Variants in DYRK4 observed in about 807,000 individuals in gnomAD.
The protein encoded by DYRK4 is dual specificity tyrosine phosphorylation regulated kinase 4.
In DYRK4, 64 loss-of-function variants were observed where a neutral mutation model predicts 68.3. The observed-to-expected ratio is 0.94, with a 90% CI of 0.77 to 1.15. The LOEUF (loss-of-function observed/expected upper bound fraction) is 1.15. Ranked by LOEUF, DYRK4 falls within the 50% of genes most tolerant of loss-of-function variation. The probability of loss-of-function intolerance (pLI) is 0.00; values close to 1 mark genes in which losing one functional copy is unlikely to be tolerated. For synonymous variants in DYRK4, 274 were observed against 289.9 expected (o/e 0.95, Z 0.56); for missense variants, 740 against 764.7 (o/e 0.97, Z 0.38).
At chr12:4,612,492 T>C in intron 13 of DYRK4, 51 bp from the exon 14 acceptor site, 1 of 1,537,896 alleles carries the variant, frequency 6.5e-7, no homozygotes, top group Non-Finnish European at 8.8e-7. Context: ...TGTTTTAATA[T>C]ATTAAAAGGA....
At chr12:4,573,983 T>C (rs1246059649) in intron 2 of DYRK4, among the ~76,000 whole-genome samples, 1 of 152,012 alleles carries the variant, frequency 6.6e-6, no homozygotes, top group Non-Finnish European at 1.5e-5. Flanking sequence ...TCCAGCACTT[T>C]GGGAGGCCAA....
At chr12:4,564,645 G>C (rs912906075) in intron 1 of DYRK4, 9 of 152,206 alleles carry the variant, frequency 5.9e-5, no homozygotes, top group African/African-American at 1.9e-4. Context: ...CGAACTCCTT[G>C]AAAACAAGGC....
chr12:4,606,280 A>AGCTG (rs1565542588), intron 11 of DYRK4, among the ~76,000 whole-genome samples: 1 of 145,258 alleles, frequency 6.9e-6, no homozygotes, highest in African/African-American at 2.6e-5. Flanking sequence ...ACACCAAGCT[A>AGCTG]GCTGGCTGGC....
At chr12:4,600,626 C>G (rs1395804696) in intron 10 of DYRK4, among the ~76,000 whole-genome samples, 2 of 149,370 alleles carry the variant, frequency 1.3e-5, no homozygotes, top group Non-Finnish European at 3.0e-5. Context: ...CAGGGAAACA[C>G]ATATACAAGT....
intron 2 of DYRK4, among the ~76,000 whole-genome samples, chr12:4,583,305 A>C (rs187451860): frequency 3.3e-5 from 5 of 151,886 alleles, no homozygotes; most frequent in Admixed American, 3.3e-4. Context: ...ACTGTTCTAC[A>C]TCTCAGCACT....
intron 2 of DYRK4, among the ~76,000 whole-genome samples, chr12:4,569,090 T>C (rs1475428957): frequency 6.6e-6 from 1 of 152,190 alleles, no homozygotes. Context: ...TTCCAAGCGC[T>C]GTTCCTGATT....
At chr12:4,584,835 G>A (rs1336142835) in intron 2 of DYRK4, among the ~76,000 whole-genome samples, 4 of 152,132 alleles carry the variant, frequency 2.6e-5, no homozygotes, top group African/African-American at 4.8e-5. Flanking sequence ...GATTACAGGC[G>A]TGAGCCACCG....
Position 4,605,742 on chromosome 12 carries a change from T to TTG in DYRK4, c.1299+657_1299+658insGT, listed in dbSNP as rs1555124192. ...GAATAGAGCTGGGTTTTTTTTTTTT[T>TTG]TTTTTTTTTTTTTCCAAATTAATGC... On this transcript the variant is annotated intron_variant, in intron 11 of 14. Coordinates refer to ENST00000543431, the MANE Select transcript of DYRK4 (RefSeq NM_001394779.1). Among the ~76,000 whole-genome samples the TTG allele has an allele frequency of 4.2e-5, 6 of 144,336 alleles. 1 individual carries two copies. Among genetic ancestry groups the TTG allele is most frequent in the African/African-American group, 1.6e-4 (6 of 36,972 alleles). The allele number at this position is 144,336 out of a possible 152,430, so 94.7% of individuals were successfully genotyped here.
intron 1 of DYRK4, 109 bp downstream of exon 1, chr12:4,562,392 A>C (rs1329034748): frequency 9.6e-6 from 13 of 1,354,792 alleles, no homozygotes; most frequent in Non-Finnish European, 1.3e-5. Context: ...AAGCGTGCAG[A>C]ATGCAAGAGC....
chr12:4,599,441 T>C (rs1945056496), intron 9 of DYRK4, among the ~76,000 whole-genome samples: 1 of 151,456 alleles, frequency 6.6e-6, no homozygotes, highest in Admixed American at 6.6e-5. Context: ...TCTTCAGGAG[T>C]TGCAGAATCA....
chr12:4,577,473 A>G (rs2137335475), intron 2 of DYRK4, among the ~76,000 whole-genome samples: 1 of 152,264 alleles, frequency 6.6e-6, no homozygotes, highest in South Asian at 2.1e-4. Flanking sequence ...TGGGGCCTCT[A>G]TTTGTTCCAT....
chr12:4,582,305 G>C (rs1050434297), intron 2 of DYRK4, among the ~76,000 whole-genome samples: 1 of 152,164 alleles, frequency 6.6e-6, no homozygotes, highest in Non-Finnish European at 1.5e-5. Context: ...TTAGCCAGGC[G>C]TGGTGGCGCG....
intron 2 of DYRK4, among the ~76,000 whole-genome samples, chr12:4,578,828 A>G (rs1442530066): frequency 6.6e-6 from 1 of 152,194 alleles, no homozygotes; most frequent in Non-Finnish European, 1.5e-5. Flanking sequence ...AGGTCTGTGT[A>G]CTTTTCTCTA....
chr12:4,572,375 G>A (rs1211145608), intron 2 of DYRK4, among the ~76,000 whole-genome samples: 1 of 152,060 alleles, frequency 6.6e-6, no homozygotes, highest in Admixed American at 6.6e-5. Flanking sequence ...TCCACCTCCC[G>A]GGTTCACGCC....
At chr12:4,584,172 T>G (rs1591793259) in intron 2 of DYRK4, among the ~76,000 whole-genome samples, 2 of 152,250 alleles carry the variant, frequency 1.3e-5, no homozygotes, top group South Asian at 4.1e-4. Context: ...CTCCCAAATC[T>G]GCCTGCACAG....
In DYRK4 at chr12:4,599,230, G is replaced by A. The variant is rs117511069; in HGVS notation, c.1044+64G>A. ...AAATACCCATTCTATTCCCCAGGCC[G>A]TGTAACAATCACAAACTCCAATCAA... On this transcript the variant is annotated intron_variant, in intron 9 of 14. Coordinates refer to ENST00000543431, the MANE Select transcript of DYRK4 (RefSeq NM_001394779.1). 1,180 of 1,445,716 alleles carry A rather than the reference G, an allele frequency of 8.2e-4. 15 individuals are homozygous for A. In the East Asian group the frequency reaches 0.02, roughly 25 times the overall value. 89.6% of individuals were successfully genotyped at this position (1,445,716 alleles called of 1,614,324 possible).
intron 6 of DYRK4, among the ~76,000 whole-genome samples, chr12:4,593,876 T>C (rs1446469018): frequency 6.6e-6 from 1 of 152,246 alleles, no homozygotes; most frequent in Non-Finnish European, 1.5e-5. Flanking sequence ...TGATGGCTCA[T>C]AGAAGAGGCA....
chr12:4,613,514 G>T lies in DYRK4; in HGVS notation c.1667-1G>T. On this transcript the variant is annotated splice_acceptor_variant, in intron 14 of 14. Coordinates refer to ENST00000543431, the MANE Select transcript of DYRK4 (RefSeq NM_001394779.1). LOFTEE classifies it high-confidence loss of function. This position sits in a 1 kb window ranked among gnomAD's most constrained non-coding sequence, Gnocchi z 4.0. ...CTTCTGTCTTCTCTCTCCTTTAGCA[G>T]ATGAGATCACCAAAGAGACTACAGA... is the stretch of plus-strand genomic sequence containing the variant. 4.3e-6 allele frequency: 7 copies of T among 1,609,982 alleles called. No individual in the cohort carries two copies. The highest frequency in any genetic ancestry group is 5.9e-6 in the Non-Finnish European group (7 of 1,176,718).
At chr12:4,605,741 T>G (rs914799361) in intron 11 of DYRK4, among the ~76,000 whole-genome samples, 5 of 143,748 alleles carry the variant, frequency 3.5e-5, no homozygotes, top group Admixed American at 2.1e-4. Context: ...TTTTTTTTTT[T>G]TTTTTTTTTT....
Sources: gnomAD v4.1 joint callset for allele counts (sites outside exome capture counted in the v4.1 genomes callset) on GRCh38, gnomAD v4.1.1 for gene constraint, Gnocchi (gnomAD v3.1) non-coding constraint, MANE v1.5 for transcripts, NCBI Gene and HGNC (gene_info 2026-07-23, HGNC 2026-07-21) for gene names.